The following PCDHA1 variants were observed in gnomAD, a reference collection of about 807,000 sequenced individuals.
PCDHA1 encodes the protein protocadherin alpha 1.
A neutral mutation model predicts 61.3 loss-of-function variants in PCDHA1; 42 were observed. The observed-to-expected ratio is 0.69, with a 90% CI of 0.54 to 0.89. The LOEUF (loss-of-function observed/expected upper bound fraction) is 0.89, where lower values mean the gene tolerates loss of function less well. Among genes scored for constraint, PCDHA1 ranks in the 40% least tolerant of loss-of-function variants. The pLI is 0.00. For synonymous variants in PCDHA1, 610 were observed against 553.8 expected (o/e 1.10, Z -1.43); for missense variants, 1,256 against 1,235.3 (o/e 1.02, Z -0.25).
intron 1 of PCDHA1, chr5:140,807,661 G>C (rs112291126): frequency 6.2e-6 from 10 of 1,614,194 alleles, no homozygotes; most frequent in East Asian, 2.2e-5. Context: ...AGGGCGCCTC[G>C]GATGCAGATA....
intron 1 of PCDHA1, among the ~76,000 whole-genome samples, chr5:140,892,256 A>AT (rs1283359328): frequency 6.6e-6 from 1 of 151,996 alleles, no homozygotes; most frequent in Non-Finnish European, 1.5e-5. Context: ...GTTATCTTTG[A>AT]TTTTGTGCTG....
intron 1 of PCDHA1, chr5:140,836,148 C>A: frequency 6.2e-7 from 1 of 1,613,764 alleles, no homozygotes; most frequent in Non-Finnish European, 8.5e-7. Flanking sequence ...GGGCGCGGGC[C>A]ATGTGGTGGC....
chr5:140,999,368 A>G (rs549083218), intron 3 of PCDHA1, among the ~76,000 whole-genome samples: 1 of 152,280 alleles, frequency 6.6e-6, no homozygotes, highest in African/African-American at 2.4e-5. Context: ...TCACAATCCC[A>G]TTAGATGGTT....
At chr5:140,895,367 CT>C (rs35382025) in intron 1 of PCDHA1, among the ~76,000 whole-genome samples, 1 of 152,014 alleles carries the variant, frequency 6.6e-6, no homozygotes, top group Non-Finnish European at 1.5e-5. Context: ...CTTATTGGCA[CT>C]TTTTGGAGTT....
chr5:140,910,281 A>G (rs1198162778), intron 1 of PCDHA1, among the ~76,000 whole-genome samples: 4 of 151,152 alleles, frequency 2.6e-5, no homozygotes, highest in East Asian at 2.0e-4. Context: ...TAGGAACACC[A>G]TGATTAATCA....
intron 1 of PCDHA1, chr5:140,830,336 T>G (rs1207479341): frequency 6.2e-7 from 1 of 1,613,688 alleles, no homozygotes; most frequent in Admixed American, 1.7e-5. Flanking sequence ...GGGGAGCTGG[T>G]CGTACTCGCA....
chr5:140,805,062 A>G lies in PCDHA1; in HGVS notation c.2394+16378A>G, dbSNP rs782786222. On this transcript the variant is annotated intron_variant, in intron 1 of 3. Transcript: ENST00000504120. ...AGCCAAAGTACTTGTCTTCCCAGAT[A>G]TGGAACTTCAATCTTCAAATCCAGC... The G allele has an allele frequency of 1.3e-5, 20 of 1,592,874 alleles. No individual in the cohort carries two copies. The Admixed American group carries it at 1.7e-4, about 13-fold the overall frequency.
At chr5:140,830,041 G>C in intron 1 of PCDHA1, 1 of 1,613,848 alleles carries the variant, frequency 6.2e-7, no homozygotes, top group East Asian at 2.2e-5. Flanking sequence ...TGCTGGTGCT[G>C]GTGAAAGACC....
intron 3 of PCDHA1, among the ~76,000 whole-genome samples, chr5:140,995,674 AT>A (rs1240189428): frequency 1.3e-5 from 2 of 151,994 alleles, no homozygotes; most frequent in Non-Finnish European, 2.9e-5. Flanking sequence ...TAAATGCAGC[AT>A]TTTTTTTAAT....
chr5:140,869,401 G>T, intron 1 of PCDHA1: 1 of 1,614,222 alleles, frequency 6.2e-7, no homozygotes, highest in South Asian at 1.1e-5. Flanking sequence ...CGGGCAGAGC[G>T]CGGAGTGCAG....
chr5:140,943,529 A>C (rs1291911076), intron 1 of PCDHA1, among the ~76,000 whole-genome samples: 1 of 152,220 alleles, frequency 6.6e-6, no homozygotes, highest in Non-Finnish European at 1.5e-5. Flanking sequence ...TCAGTATGCA[A>C]AATGTCATGT....
At chr5:140,838,058 CT>C in intron 1 of PCDHA1, among the ~76,000 whole-genome samples, 1 of 146,710 alleles carries the variant, frequency 6.8e-6, no homozygotes, top group East Asian at 2.0e-4. Context: ...TGGTTTTCCA[CT>C]TTAAGTTATA....
chr5:140,807,845 C>T lies in PCDHA1; in HGVS notation c.2394+19161C>T, dbSNP rs782647653. On this transcript the variant is annotated intron_variant, in intron 1 of 3. Transcript: ENST00000504120. ...GCTCACAGCCACTGATGGAGGCAAACCCGAGTTGACTGGCACCGTTCAGTT... is the reference window on the plus strand; with the variant it reads ...GCTCACAGCCACTGATGGAGGCAAATCCGAGTTGACTGGCACCGTTCAGTT... 1.5e-5 allele frequency: 24 copies of T among 1,613,992 alleles called. No individual in the cohort carries two copies. The highest frequency in any genetic ancestry group is 1.9e-5 in the Non-Finnish European group (22 of 1,180,030).
chr5:140,852,752 C>T (rs2042460960), intron 1 of PCDHA1: 1 of 983,598 alleles, frequency 1.0e-6, no homozygotes, highest in Non-Finnish European at 1.2e-6. Context: ...TAAACTTGGA[C>T]CCAGGTATCT....
chr5:140,850,984 T>G (rs2150504982), intron 1 of PCDHA1: 15 of 1,451,674 alleles, frequency 1.0e-5, no homozygotes, highest in Non-Finnish European at 1.3e-5. Flanking sequence ...GTTTTATTCA[T>G]TTTTCTAGAA....
chr5:140,835,899 A>G (rs1554135420), intron 1 of PCDHA1: 1 of 1,612,086 alleles, frequency 6.2e-7, no homozygotes, highest in Non-Finnish European at 8.5e-7. Context: ...CGCGCTGTCG[A>G]GCTACGTGTC....
intron 1 of PCDHA1, chr5:140,883,738 C>T (rs149972776): frequency 2.5e-5 from 41 of 1,613,276 alleles, no homozygotes; most frequent in Non-Finnish European, 3.3e-5. Flanking sequence ...ACGCGCTGGT[C>T]TCCTACTCGC....
At chr5:140,962,541 A>AGTT (rs2095690394) in intron 1 of PCDHA1, among the ~76,000 whole-genome samples, 1 of 152,220 alleles carries the variant, frequency 6.6e-6, no homozygotes, top group Non-Finnish European at 1.5e-5. Flanking sequence ...AGAACTAAAA[A>AGTT]TGTAGAGGAT....
intron 1 of PCDHA1, among the ~76,000 whole-genome samples, chr5:140,793,853 C>T (rs1213881509): frequency 3.9e-5 from 6 of 152,052 alleles, no homozygotes; most frequent in African/African-American, 1.4e-4. Flanking sequence ...AGTACATTAT[C>T]CAAATGAGAA....
Sources: gnomAD v4.1 joint callset for allele counts (sites outside exome capture counted in the v4.1 genomes callset) on GRCh38, gnomAD v4.1.1 for gene constraint, MANE v1.5 for transcripts, NCBI Gene and HGNC (gene_info 2026-07-23, HGNC 2026-07-21) for gene names.